The following GALNTL6 variants were observed in gnomAD, a reference collection of about 807,000 sequenced individuals.
GALNTL6 encodes polypeptide N-acetylgalactosaminyltransferase-like 6.
A neutral mutation model predicts 73.7 loss-of-function variants in GALNTL6; 46 were observed. The ratio of observed to expected loss-of-function variants is 0.62; its 90% CI spans 0.49 to 0.80. The LOEUF is 0.80. Ranked by LOEUF, GALNTL6 falls within the 30% of genes least tolerant of loss-of-function variation. GALNTL6 has a pLI of 0.00. For missense variants in GALNTL6, 604 were observed against 755.0 expected, an observed-to-expected ratio of 0.80 and a Z score of 2.34; for synonymous variants, 259 against 263.7, an observed-to-expected ratio of 0.98 and a Z score of 0.17.
chr4:172,943,972 C>T (rs1749034305), intron 9 of GALNTL6, among the ~76,000 whole-genome samples: 1 of 152,202 alleles, frequency 6.6e-6, no homozygotes, highest in South Asian at 2.1e-4. Flanking sequence ...CTGTATCTTG[C>T]ACCACATACA....
At chr4:171,944,562 G>C (rs1420446049) in intron 2 of GALNTL6, among the ~76,000 whole-genome samples, 1 of 151,856 alleles carries the variant, frequency 6.6e-6, no homozygotes, top group African/African-American at 2.4e-5. Flanking sequence ...TTATGATTTG[G>C]TCAAAAGCTT....
intron 2 of GALNTL6, among the ~76,000 whole-genome samples, chr4:172,021,920 T>C (rs1016588548): frequency 1.3e-5 from 2 of 151,998 alleles, no homozygotes; most frequent in Non-Finnish European, 2.9e-5. Flanking sequence ...ATGCTTTCCA[T>C]AGGCAAAACT....
chr4:173,011,147 G>A (rs957030422), intron 11 of GALNTL6, among the ~76,000 whole-genome samples: 2 of 152,110 alleles, frequency 1.3e-5, no homozygotes, highest in African/African-American at 2.4e-5. Flanking sequence ...TTTGCCATTT[G>A]TATGTCTTCT....
At chr4:171,915,941 G>A (rs777569145) in intron 2 of GALNTL6, among the ~76,000 whole-genome samples, 7 of 152,028 alleles carry the variant, frequency 4.6e-5, no homozygotes, top group Non-Finnish European at 1.0e-4. Flanking sequence ...ATAAAATAGT[G>A]AATTGTAGGG....
At chr4:172,978,419 T>G (rs147506633) in intron 10 of GALNTL6, among the ~76,000 whole-genome samples, 15 of 152,280 alleles carry the variant, frequency 9.9e-5, no homozygotes, top group African/African-American at 3.6e-4. Flanking sequence ...CACAGGATAC[T>G]AAGTAAATCC....
chr4:172,831,794 G>A (rs1426148998), intron 7 of GALNTL6, among the ~76,000 whole-genome samples: 1 of 152,184 alleles, frequency 6.6e-6, no homozygotes, highest in Non-Finnish European at 1.5e-5. Context: ...GATAGGATTA[G>A]TGCCCTTATT....
chr4:172,824,050 T>C (rs1366105972), intron 7 of GALNTL6, among the ~76,000 whole-genome samples: 1 of 152,142 alleles, frequency 6.6e-6, no homozygotes, highest in Non-Finnish European at 1.5e-5. Flanking sequence ...AGTGGGCTTG[T>C]TGGCGAGTAT....
At chr4:171,858,405 ATCTCTC>A (rs1735746311) in intron 2 of GALNTL6, among the ~76,000 whole-genome samples, 1 of 151,962 alleles carries the variant, frequency 6.6e-6, no homozygotes, top group Non-Finnish European at 1.5e-5. Context: ...AAATACTAGG[ATCTCTC>A]AGCAAGGGGA....
rs1362122083 is a variant in GALNTL6 at position 172,535,252 on chromosome 4, A to G, written c.553+186563A>G. ...TTTATAAGCTTATGTCTTCATAAAT[A>G]TAATAATGGATGCATTATGATGAAG... is the stretch of plus-strand genomic sequence containing the variant. On this transcript the variant is annotated intron_variant, in intron 5 of 12. Transcript: ENST00000506823. Among the ~76,000 whole-genome samples the G allele has an allele frequency of 2.6e-5, 4 of 152,252 alleles. No individual in the cohort carries two copies. The East Asian group carries it at 7.7e-4, about 29-fold the overall frequency.
At chr4:171,975,174 G>A (rs536909952) in intron 2 of GALNTL6, among the ~76,000 whole-genome samples, 1 of 152,226 alleles carries the variant, frequency 6.6e-6, no homozygotes, top group African/African-American at 2.4e-5. Flanking sequence ...TCCTCAATAA[G>A]ACTGTATTAT....
intron 2 of GALNTL6, among the ~76,000 whole-genome samples, chr4:171,990,637 A>G (rs1375418411): frequency 6.6e-6 from 1 of 152,212 alleles, no homozygotes; most frequent in African/African-American, 2.4e-5. Context: ...AATTATGAGC[A>G]TGCATACAAA....
chr4:172,990,590 C>T (rs1751498788), intron 10 of GALNTL6, among the ~76,000 whole-genome samples: 1 of 151,862 alleles, frequency 6.6e-6, no homozygotes. Flanking sequence ...ATTTCAATGA[C>T]CCAATCTCCC....
intron 2 of GALNTL6, among the ~76,000 whole-genome samples, chr4:171,947,422 T>C (rs540569300): frequency 6.6e-6 from 1 of 152,268 alleles, no homozygotes; most frequent in South Asian, 2.1e-4. Context: ...CCAGTAGTAA[T>C]ATATCTAGGT....
chr4:172,395,556 G>A (rs186890037), intron 5 of GALNTL6, among the ~76,000 whole-genome samples: 3 of 152,100 alleles, frequency 2.0e-5, no homozygotes, highest in East Asian at 3.9e-4. Flanking sequence ...TATATAACAC[G>A]TTTAGATGTT....
At chr4:172,295,531 G>GTTTTTTTTTTTTTTTTTTTTTTTTTTTA (rs58721038) in intron 3 of GALNTL6, among the ~76,000 whole-genome samples, 2 of 73,164 alleles carry the variant, frequency 2.7e-5, no homozygotes, top group African/African-American at 5.9e-5. Context: ...CTTTTTTTAG[G>GTTTTTTTTTTTTTTTTTTTTTTTTTTTA]TTTTTTTTTT....
At chr4:172,698,712 C>T (rs1399818985) in intron 5 of GALNTL6, among the ~76,000 whole-genome samples, 1 of 152,158 alleles carries the variant, frequency 6.6e-6, no homozygotes, top group Non-Finnish European at 1.5e-5. Context: ...TCCACATGGT[C>T]GCTTGGAAGT....
chr4:172,196,308 G>A (rs994135268), intron 2 of GALNTL6, among the ~76,000 whole-genome samples: 1 of 151,902 alleles, frequency 6.6e-6, no homozygotes, highest in Non-Finnish European at 1.5e-5. Context: ...GTAACAAATA[G>A]CCACCAACCA....
intron 2 of GALNTL6, among the ~76,000 whole-genome samples, chr4:172,135,491 C>T (rs1384040103): frequency 6.6e-6 from 1 of 152,016 alleles, no homozygotes. Flanking sequence ...AACAAATTCT[C>T]CTCTACTAAT....
intron 5 of GALNTL6, among the ~76,000 whole-genome samples, chr4:172,480,952 T>C (rs946452452): frequency 2.0e-5 from 3 of 152,186 alleles, no homozygotes; most frequent in African/African-American, 7.2e-5. Context: ...AAGTGGCAAA[T>C]TGACATTTTT....
Sources: gnomAD v4.1 joint callset for allele counts (sites outside exome capture counted in the v4.1 genomes callset) on GRCh38, gnomAD v4.1.1 for gene constraint, MANE v1.5 for transcripts, NCBI Gene and HGNC (gene_info 2026-07-23, HGNC 2026-07-21) for gene names.